ABTB3: variants seen among roughly 807,000 people sequenced by gnomAD.
ABTB3 encodes the protein ankyrin repeat- and BTB/POZ domain-containing protein 3.
the ABTB3 span, among the ~76,000 whole-genome samples, chr12:107,414,831 C>T: frequency 2.2e-4 from 34 of 151,976 alleles, no homozygotes; most frequent in Non-Finnish European, 4.4e-4. Context: ...AGTTCTCATG[C>T]CTCAGCCTCC....
At chr12:107,414,913 C>A in the ABTB3 span, among the ~76,000 whole-genome samples, 2 of 151,986 alleles carry the variant, frequency 1.3e-5, no homozygotes, top group African/African-American at 4.8e-5. Context: ...AGGATTTCAC[C>A]ATGTTGGCCA....
the ABTB3 span, among the ~76,000 whole-genome samples, chr12:107,384,888 A>C: frequency 6.6e-6 from 1 of 151,970 alleles, no homozygotes; most frequent in Non-Finnish European, 1.5e-5. Flanking sequence ...TATAAAGATC[A>C]CTCTGGAATC....
chr12:107,426,621 C>T, the ABTB3 span, among the ~76,000 whole-genome samples: 1 of 152,288 alleles, frequency 6.6e-6, no homozygotes, highest in East Asian at 1.9e-4. Context: ...CTGATTAGCT[C>T]ATTGGCATGC....
the ABTB3 span, among the ~76,000 whole-genome samples, chr12:107,352,593 C>G: frequency 3.3e-5 from 5 of 152,100 alleles, no homozygotes; most frequent in African/African-American, 1.2e-4. Flanking sequence ...GCCATGGGCC[C>G]CAGTGCAGAG....
chr12:107,465,884 C>T, the ABTB3 span, among the ~76,000 whole-genome samples: 5 of 152,176 alleles, frequency 3.3e-5, no homozygotes, highest in Non-Finnish European at 5.9e-5. Flanking sequence ...TAAATCTCTG[C>T]GTTCGTACTG....
the ABTB3 span, chr12:107,618,469 AC>A: frequency 6.5e-6 from 7 of 1,074,594 alleles, no homozygotes; most frequent in African/African-American, 1.1e-4. Flanking sequence ...GCACACATAC[AC>A]ATGCAAAACA....
the ABTB3 span, among the ~76,000 whole-genome samples, chr12:107,495,144 A>G: frequency 6.6e-6 from 1 of 152,128 alleles, no homozygotes; most frequent in Non-Finnish European, 1.5e-5. Context: ...CAGGAACGCC[A>G]TGCCCTCTCC....
At chr12:107,431,524 G>T in the ABTB3 span, among the ~76,000 whole-genome samples, 1 of 152,266 alleles carries the variant, frequency 6.6e-6, no homozygotes, top group East Asian at 1.9e-4. Context: ...CAGGAGAATT[G>T]CTTAAACCTG....
chr12:107,434,869 GA>G, the ABTB3 span, among the ~76,000 whole-genome samples: 55 of 132,752 alleles, frequency 4.1e-4, no homozygotes, highest in South Asian at 1.0e-3. Flanking sequence ...GTTGTCTTGG[GA>G]AAAAAAAAAA....
At chr12:107,332,911 G>A in the ABTB3 span, among the ~76,000 whole-genome samples, 1 of 152,232 alleles carries the variant, frequency 6.6e-6, no homozygotes, top group South Asian at 2.1e-4. Context: ...AATTCTTTAT[G>A]TGGTAGATGA....
the ABTB3 span, among the ~76,000 whole-genome samples, chr12:107,420,688 G>GA: frequency 7.8e-4 from 119 of 152,202 alleles, no homozygotes; most frequent in African/African-American, 2.9e-3. Flanking sequence ...CATTGTGCTG[G>GA]AAACAGCCCT....
At chr12:107,651,806 G>T in the ABTB3 span, 3 of 1,598,382 alleles carry the variant, frequency 1.9e-6, no homozygotes, top group South Asian at 2.2e-5. Flanking sequence ...TCTCATTCTC[G>T]CGCAGTGCGC....
At chr12:107,400,316 T>C in the ABTB3 span, among the ~76,000 whole-genome samples, 4 of 152,272 alleles carry the variant, frequency 2.6e-5, no homozygotes, top group African/African-American at 9.6e-5. Context: ...TTAGGGGGCA[T>C]TCATGACCAA....
At chr12:107,358,539 C>T in the ABTB3 span, among the ~76,000 whole-genome samples, 70 of 152,086 alleles carry the variant, frequency 4.6e-4, no homozygotes, top group African/African-American at 1.5e-3. Flanking sequence ...AACTGTGGTC[C>T]CTAAACCACC....
the ABTB3 span, among the ~76,000 whole-genome samples, chr12:107,586,618 A>G: frequency 2.0e-5 from 3 of 152,230 alleles, no homozygotes; most frequent in African/African-American, 7.2e-5. Flanking sequence ...CCTCCCAGAA[A>G]ACAGAGAAAC....
At chr12:107,319,930 CA>C in the ABTB3 span, 1 of 1,500,530 alleles carries the variant, frequency 6.7e-7, no homozygotes, top group Non-Finnish European at 8.9e-7. Flanking sequence ...CAGCCGCCGC[CA>C]ACCACCACCA....
the ABTB3 span, among the ~76,000 whole-genome samples, chr12:107,358,599 GT>G: frequency 0.35 from 52,179 of 150,140 alleles, 9,404 homozygotes; most frequent in South Asian, 0.42. Flanking sequence ...CCATCTATTT[GT>G]TTTTTTTTTC....
the ABTB3 span, among the ~76,000 whole-genome samples, chr12:107,388,432 T>C: frequency 4.0e-5 from 6 of 151,890 alleles, no homozygotes; most frequent in Middle Eastern, 3.4e-3. Context: ...CCCTGCTTCC[T>C]TGTCTTTCTC....
At chr12:107,580,817 T>A in the ABTB3 span, 5 of 1,524,598 alleles carry the variant, frequency 3.3e-6, no homozygotes, top group Admixed American at 1.0e-4. Context: ...AAGTGACTCA[T>A]CCTTATGTTC....
Sources: allele counts gnomAD v4.1 joint callset (sites outside exome capture counted in the v4.1 genomes callset), GRCh38; gene constraint gnomAD v4.1.1; transcripts MANE v1.5; gene names NCBI Gene and HGNC (gene_info 2026-07-23, HGNC 2026-07-21).